Variants in TTF1 observed in about 807,000 individuals in gnomAD.
The protein encoded by TTF1 is transcription termination factor 1.
In TTF1, 64 loss-of-function variants were observed where a neutral mutation model predicts 80.2. The observed-to-expected ratio is 0.80, with a 90% CI of 0.65 to 0.98. The LOEUF (loss-of-function observed/expected upper bound fraction) is 0.98. Ranked by LOEUF, TTF1 falls within the 50% of genes least tolerant of loss-of-function variation. The pLI, the probability that TTF1 is intolerant of heterozygous loss-of-function variation, is 0.00. For missense variants in TTF1, 1,023 were observed against 1,086.2 expected (o/e 0.94, Z 0.82); for synonymous variants, 372 against 382.7 (o/e 0.97, Z 0.33).
At position 132,375,789 on chromosome 9, in the gene TTF1, TCTC is replaced by T; in HGVS notation, c.*123_*125del. ...CCTCCACCTCCTGGGTTCAAGCAAT[TCTC>T]CTGCCTCAGCCTCCCAAGTAGTTGA... On this transcript the variant is annotated 3_prime_UTR_variant, in exon 11 of 11. Coordinates refer to ENST00000334270, the MANE Select transcript of TTF1 (RefSeq NM_007344.4). The T allele has an allele frequency of 1.6e-6, 1 of 624,944 alleles. No homozygotes were observed. The highest frequency in any genetic ancestry group is 2.8e-6 in the Non-Finnish European group (1 of 361,782). The allele number at this position is 624,944 out of a possible 1,614,324, so 38.7% of individuals were successfully genotyped here.
intron 2 of TTF1, among the ~76,000 whole-genome samples, 188 bp downstream of exon 2, chr9:132,401,267 G>A (rs1278676086): frequency 2.6e-5 from 4 of 151,598 alleles, no homozygotes; most frequent in Admixed American, 6.6e-5. Flanking sequence ...TGGAGGGTGC[G>A]GTAAGCCGAG....
Position 132,401,478 on chromosome 9 carries a change from G to T in TTF1, c.1344C>A (p.Ser448Arg). ...ACCTTGGCGCCTCTTGCACGTGCTT[G>T]CTTGCCAAACAGGCCTGGGTTTTCT... ...RQKKTQACLASKHVQEAPRLE... is the reference protein window; with the variant it reads ...RQKKTQACLARKHVQEAPRLE... The change falls in exon 2 of 11, where the codon AGC becomes AGA. Residue 448 changes from serine to arginine, a missense_variant. Ser to Arg is a moderately radical substitution (Grantham distance 110). Transcript: ENST00000334270. 6.2e-7 allele frequency: 1 copy of T among 1,612,116 alleles called. No individual in the cohort carries two copies. The highest frequency in any genetic ancestry group is 8.5e-7 in the Non-Finnish European group (1 of 1,178,840).
At chr9:132,383,402 G>A (rs1032991445) in intron 9 of TTF1, among the ~76,000 whole-genome samples, 3 of 152,132 alleles carry the variant, frequency 2.0e-5, no homozygotes, top group Non-Finnish European at 2.9e-5. Context: ...CCTGATTCTC[G>A]ATTGTACTAT....
At chr9:132,386,043 A>G (rs368938807) in intron 9 of TTF1, among the ~76,000 whole-genome samples, 2 of 152,184 alleles carry the variant, frequency 1.3e-5, no homozygotes, top group East Asian at 3.8e-4. Flanking sequence ...AATTGATAAA[A>G]GGTATGTACT....
intron 7 of TTF1, among the ~76,000 whole-genome samples, chr9:132,390,320 T>A (rs1055714633): frequency 1.3e-5 from 2 of 152,234 alleles, no homozygotes; most frequent in Non-Finnish European, 2.9e-5. Context: ...TACCTTGTTT[T>A]ATTAAAGACT....
At chr9:132,394,445 A>C (rs936749355) in intron 5 of TTF1, among the ~76,000 whole-genome samples, 2 of 151,522 alleles carry the variant, frequency 1.3e-5, no homozygotes, top group Admixed American at 1.3e-4. Flanking sequence ...ACGCCAGGCT[A>C]ATTTTTGTAT....
intron 4 of TTF1, among the ~76,000 whole-genome samples, chr9:132,396,918 C>G (rs1393850953): frequency 6.6e-6 from 1 of 151,928 alleles, no homozygotes; most frequent in African/African-American, 2.4e-5. Flanking sequence ...CCAAATGAAC[C>G]AGCTGGCCAG....
intron 1 of TTF1, among the ~76,000 whole-genome samples, chr9:132,404,468 G>A (rs976914173): frequency 6.6e-5 from 10 of 152,092 alleles, no homozygotes; most frequent in Admixed American, 4.6e-4. Context: ...AGGAAAATGT[G>A]TGCTGGCTCC....
At chr9:132,404,908 C>T (rs1849835787) in intron 1 of TTF1, among the ~76,000 whole-genome samples, 1 of 151,540 alleles carries the variant, frequency 6.6e-6, no homozygotes, top group South Asian at 2.1e-4. Context: ...TTTTTTGAGA[C>T]GGAGTCTTGC....
Position 132,401,658 on chromosome 9 carries a change from C to T in TTF1, c.1164G>A (p.Lys388=). The change falls in exon 2 of 11, where the codon AAG becomes AAA. Residue 388 remains lysine, a synonymous_variant. Transcript: ENST00000334270. ...CAGACGTAAGCTTCCTTTTCTTAGA[C>T]TTCTTCTTTGTACTGTTGGATTCCT... The part of the protein sequence containing the change: ...GFKESNSTKK[K]SKKRKLTSVK... 2 of 1,614,100 alleles carry T rather than the reference C, an allele frequency of 1.2e-6. No individual in the cohort carries two copies. The highest frequency in any genetic ancestry group is 1.7e-6 in the Non-Finnish European group (2 of 1,179,964).
At chr9:132,385,587 G>A (rs1849451466) in intron 9 of TTF1, among the ~76,000 whole-genome samples, 3 of 152,174 alleles carry the variant, frequency 2.0e-5, no homozygotes, top group South Asian at 2.1e-4. Context: ...CTCTCTGTCC[G>A]AACATCTTCA....
intron 1 of TTF1, among the ~76,000 whole-genome samples, chr9:132,404,888 T>C (rs1751813021): frequency 6.6e-6 from 1 of 152,094 alleles, no homozygotes; most frequent in South Asian, 2.1e-4. Flanking sequence ...TTATTTCTTT[T>C]TTTTCTTTTT....
Position 132,388,228 on chromosome 9 carries a change from C to A in TTF1, c.2223G>T (p.Trp741Cys). The A allele has an allele frequency of 6.2e-7, 1 of 1,600,106 alleles. No homozygotes were observed. Among genetic ancestry groups the A allele is most frequent in the South Asian group, 1.1e-5 (1 of 90,096 alleles). ...TCATCCTCTTGGTTAGAATTTCTGT[C>A]CTACATTAAAAGGAAGAAAAACATA... ...TRNWMQCKSK[W>C]TEILTKRMTN... The change falls in exon 8 of 11, where the codon TGG (tryptophan) becomes TGT (cysteine). Residue 741 changes from tryptophan to cysteine, a missense_variant and splice_region_variant. By Grantham distance (215) the Trp-to-Cys change is radical (BLOSUM62 -2). Coordinates refer to ENST00000334270, the MANE Select transcript of TTF1 (RefSeq NM_007344.4).
At chr9:132,391,798 C>T (rs1849563443) in intron 6 of TTF1, among the ~76,000 whole-genome samples, 1 of 152,228 alleles carries the variant, frequency 6.6e-6, no homozygotes. Context: ...CCAGGCTCTC[C>T]CACCACCAGT....
At chr9:132,392,565 C>T (rs1237160856) in intron 5 of TTF1, among the ~76,000 whole-genome samples, 1 of 150,042 alleles carries the variant, frequency 6.7e-6, no homozygotes, top group Non-Finnish European at 1.5e-5. Context: ...GAGCGCCTCC[C>T]TGACCCCCTT....
At chr9:132,405,108 C>T (rs551142477) in intron 1 of TTF1, among the ~76,000 whole-genome samples, 48 of 152,256 alleles carry the variant, frequency 3.2e-4, no homozygotes, top group African/African-American at 1.1e-3. Flanking sequence ...AGGATGGTCT[C>T]GATCTCCTGA....
chr9:132,387,759 A>G (rs1014399228), intron 8 of TTF1, among the ~76,000 whole-genome samples: 1 of 152,236 alleles, frequency 6.6e-6, no homozygotes, highest in African/African-American at 2.4e-5. Context: ...GGGTGACACC[A>G]ACAAGCTCAT....
chr9:132,380,716 T>A, intron 9 of TTF1, among the ~76,000 whole-genome samples: 1 of 152,220 alleles, frequency 6.6e-6, no homozygotes, highest in Non-Finnish European at 1.5e-5. Context: ...TCTTTAAGAA[T>A]CTGAGGAGAC....
intron 10 of TTF1, among the ~76,000 whole-genome samples, chr9:132,377,259 G>C (rs1361423676): frequency 1.4e-5 from 2 of 147,846 alleles, no homozygotes; most frequent in Non-Finnish European, 3.0e-5. Context: ...GTGTGTGAGT[G>C]CATGCGTGTG....
Sources: allele counts gnomAD v4.1 joint callset (sites outside exome capture counted in the v4.1 genomes callset), GRCh38; gene constraint gnomAD v4.1.1; transcripts MANE v1.5; gene names NCBI Gene and HGNC (gene_info 2026-07-23, HGNC 2026-07-21).